The following CYTH4 variants were observed in gnomAD, a reference collection of about 807,000 sequenced individuals.
The protein encoded by CYTH4 is cytohesin 4, also known as cytohesin-4.
A neutral mutation model predicts 57.5 loss-of-function variants in CYTH4; 22 were observed. That is an observed-to-expected ratio of 0.38 (90% CI 0.27 to 0.55). The LOEUF is 0.55. Among genes scored for constraint, CYTH4 ranks in the 20% least tolerant of loss-of-function variants. CYTH4 has a pLI of 0.74. For missense variants in CYTH4, 420 were observed against 535.6 expected (o/e 0.78, Z 2.13); for synonymous variants, 186 against 206.5 (o/e 0.90, Z 0.85).
chr22:37,283,077 G>T (rs1403749196), intron 1 of CYTH4, among the ~76,000 whole-genome samples: 2 of 152,202 alleles, frequency 1.3e-5, no homozygotes, highest in Non-Finnish European at 2.9e-5. Context: ...TTAAGATGAT[G>T]ATGGGATGTT....
chr22:37,292,438 G>C, intron 1 of CYTH4, 183 bp from the exon 2 acceptor site: 3 of 585,338 alleles, frequency 5.1e-6, no homozygotes, highest in Non-Finnish European at 9.1e-6. Context: ...AGGAAGCAGG[G>C]CAGGAGAGGA....
At chr22:37,300,129 T>C (rs1168713805) in intron 6 of CYTH4, 2 of 717,576 alleles carry the variant, frequency 2.8e-6, no homozygotes, top group East Asian at 2.7e-5. Context: ...GCTTAGTAAG[T>C]CTTGATGCTG....
Position 37,295,152 on chromosome 22 carries a change from C to T in CYTH4, c.167+428C>T, listed in dbSNP as rs535294730. ...CTAACCCCGGGCCAGCCACGCCCACCGCCTCTGTGGAAAACTCCCACTATT... is the reference window on the plus strand; with the variant it reads ...CTAACCCCGGGCCAGCCACGCCCACTGCCTCTGTGGAAAACTCCCACTATT... On this transcript the variant is annotated intron_variant, in intron 3 of 12. Transcript: ENST00000248901. This position sits in a 1 kb window ranked among gnomAD's most constrained non-coding sequence, Gnocchi z 4.1. 1.3e-5 allele frequency among the ~76,000 whole-genome samples: 2 copies of T among 152,262 alleles called. No homozygotes were observed. The highest frequency in any genetic ancestry group is 2.1e-4 in the South Asian group (1 of 4,826).
Position 37,295,890 on chromosome 22 carries a change from G to A in CYTH4, c.168-109G>A. 1 of 1,166,942 alleles carries A rather than the reference G, an allele frequency of 8.6e-7. No individual in the cohort carries two copies. The highest frequency in any genetic ancestry group is 1.2e-6 in the Non-Finnish European group (1 of 800,760). The allele number at this position is 1,166,942 out of a possible 1,614,324, so 72.3% of individuals were successfully genotyped here. ...CATGCAGGACCCGGAGGCCACACTT[G>A]GAGGGCCCTAGAGGGGTATGGGCTC... On this transcript the variant is annotated intron_variant, in intron 3 of 12. Transcript: ENST00000248901. The surrounding 1 kb of genome is among the most constrained non-coding windows in gnomAD (Gnocchi z 4.1).
chr22:37,300,887 T>C lies in CYTH4; in HGVS notation c.435-20T>C, dbSNP rs942972711. 2 of 1,608,726 alleles carry C rather than the reference T, an allele frequency of 1.2e-6. No homozygotes were observed. Among genetic ancestry groups the C allele is most frequent in the African/African-American group, 2.7e-5 (2 of 74,794 alleles). ...GAGGGCCCACCCACTCCACTGCCCG[T>C]GGCCCCGTTTCTCCCCCAGGCAGTT... On this transcript the variant is annotated intron_variant, in intron 6 of 12. Transcript: ENST00000248901.
In CYTH4 at chr22:37,310,965, CT is replaced by C. The variant is rs757699186; in HGVS notation, c.809-21del. On this transcript the variant is annotated intron_variant, in intron 9 of 12. Transcript: ENST00000248901. Reference sequence around the variant, plus strand: ...GTGGCCCAGGAGGAGGACTGACCAGCTTGCTACATTGGCCTTGCGCAGGGGG... The same window carrying C: ...GTGGCCCAGGAGGAGGACTGACCAGCTGCTACATTGGCCTTGCGCAGGGGG... The C allele has an allele frequency of 1.5e-4, 250 of 1,613,486 alleles. 9 individuals are homozygous for C. The South Asian group carries it at 2.6e-3, about 17-fold the overall frequency.
At chr22:37,310,170 A>C in intron 9 of CYTH4, 2 of 342,618 alleles carry the variant, frequency 5.8e-6, no homozygotes, top group Admixed American at 3.6e-5. Context: ...GAGCCCTCTG[A>C]CTCTCCACAC....
rs1929075410 is a variant in CYTH4, at chr22:37,298,880, C to G, written c.354-346C>G. Among the ~76,000 whole-genome samples the G allele has an allele frequency of 6.6e-6, 1 of 152,066 alleles. No individual in the cohort carries two copies. The highest frequency in any genetic ancestry group is 1.5e-5 in the Non-Finnish European group (1 of 67,988). ...TCTCTCCCTTGTACAGATGAGGAAGCTGGGGCTGGGAAGGTCAAGTGGCTT... is the reference window on the plus strand; with the variant it reads ...TCTCTCCCTTGTACAGATGAGGAAGGTGGGGCTGGGAAGGTCAAGTGGCTT... On this transcript the variant is annotated intron_variant, in intron 5 of 12. Coordinates refer to ENST00000248901, the MANE Select transcript of CYTH4 (RefSeq NM_013385.5). This position sits in a 1 kb window ranked among gnomAD's most constrained non-coding sequence, Gnocchi z 4.1.
Position 37,285,132 on chromosome 22 carries a change from C to A in CYTH4, c.19+2544C>A, listed in dbSNP as rs1205257979. Among the ~76,000 whole-genome samples, 4 of 152,302 alleles carry A rather than the reference C, an allele frequency of 2.6e-5. No individual in the cohort carries two copies. The East Asian group carries it at 7.7e-4, about 29-fold the overall frequency. On this transcript the variant is annotated intron_variant, in intron 1 of 12. Transcript: ENST00000248901. Reference sequence around the variant, plus strand: ...CCTGCCCTGGAAAGGGGAAGTGAGGCCAGCTGTCCTGGAAGCAGGGCTGCA... The same window carrying A: ...CCTGCCCTGGAAAGGGGAAGTGAGGACAGCTGTCCTGGAAGCAGGGCTGCA...
In CYTH4 at chr22:37,282,650, G is replaced by A; in HGVS notation, c.19+62G>A. ...TGCTCTCTTTTAGAATGGGACAGCA[G>A]CCCCTGCCTCACAGGGTCCTAGATA... On this transcript the variant is annotated intron_variant, in intron 1 of 12. Coordinates refer to ENST00000248901, the MANE Select transcript of CYTH4 (RefSeq NM_013385.5). 4 of 1,427,760 alleles carry A rather than the reference G, an allele frequency of 2.8e-6. No individual in the cohort carries two copies. In the South Asian group the frequency reaches 5.0e-5, roughly 18 times the overall value. The allele number at this position is 1,427,760 out of a possible 1,614,324, so 88.4% of individuals were successfully genotyped here.
rs1569106032 is a variant in CYTH4 at position 37,292,505 on chromosome 22, G to A, written c.20-116G>A. On this transcript the variant is annotated intron_variant, in intron 1 of 12. Coordinates refer to ENST00000248901, the MANE Select transcript of CYTH4 (RefSeq NM_013385.5). ...AGGGGAGGCTTCCTGGAGGAGGTGG[G>A]CCTCTGTGAATAGGGCAAGTCCTGG... 1.9e-5 allele frequency: 19 copies of A among 985,764 alleles called. 1 individual carries two copies. The South Asian group carries it at 2.5e-4, about 13-fold the overall frequency. 61.1% of individuals were successfully genotyped at this position (985,764 alleles called of 1,614,324 possible).
intron 1 of CYTH4, among the ~76,000 whole-genome samples, chr22:37,285,486 AC>A (rs1928522873): frequency 6.6e-6 from 1 of 152,124 alleles, no homozygotes; most frequent in Admixed American, 6.5e-5. Context: ...CAGGTGGATC[AC>A]CAGAGGTCAG....
At chr22:37,300,692 A>C (rs1398783868) in intron 6 of CYTH4, among the ~76,000 whole-genome samples, 1 of 152,228 alleles carries the variant, frequency 6.6e-6, no homozygotes, top group African/African-American at 2.4e-5. Flanking sequence ...GCGTGTGCTT[A>C]GTTCCGTATT....
At chr22:37,308,304 C>T (rs769736132) in intron 8 of CYTH4, among the ~76,000 whole-genome samples, 2 of 152,140 alleles carry the variant, frequency 1.3e-5, no homozygotes, top group Non-Finnish European at 2.9e-5. Flanking sequence ...AAAGAGAATA[C>T]GTGTGTTTGT....
At position 37,301,028 on chromosome 22, in the gene CYTH4, A is replaced by G. The variant is rs753169627; in HGVS notation, c.547+9A>G. 5.6e-6 allele frequency: 9 copies of G among 1,611,334 alleles called. No homozygotes were observed. The highest frequency in any genetic ancestry group is 7.6e-6 in the Non-Finnish European group (9 of 1,177,908). ...CGTCTTCCAGTCCACAGGTGCCAGG[A>G]GGGGAGTGGGACCCAGGGCTCCGGG... On this transcript the variant is annotated intron_variant, in intron 7 of 12. Transcript: ENST00000248901.
chr22:37,311,092 C>T lies in CYTH4; in HGVS notation c.885+28C>T, dbSNP rs897503194. On this transcript the variant is annotated intron_variant, in intron 10 of 12. Coordinates refer to ENST00000248901, the MANE Select transcript of CYTH4 (RefSeq NM_013385.5). This position sits in a 1 kb window ranked among gnomAD's most constrained non-coding sequence, Gnocchi z 4.4. ...GAGCAGGGTTCTCCTGGGCCTTCCC[C>T]TGCCCCCGCCTCTCCCCGCACAACC... 4.3e-6 allele frequency: 7 copies of T among 1,610,222 alleles called. No individual in the cohort carries two copies. The highest frequency in any genetic ancestry group is 3.3e-4 in the Middle Eastern group (2 of 6,058).
chr22:37,314,579 G>A lies in CYTH4; in HGVS notation c.*1068G>A. 1 of 396,676 alleles carries A rather than the reference G, an allele frequency of 2.5e-6. No homozygotes were observed. 24.6% of individuals were successfully genotyped at this position (396,676 alleles called of 1,614,324 possible). Reference sequence around the variant, plus strand: ...AAGACCACTGACGAGCAGTCCCATGGTGATAAAGGGCAGCCCGGCGGGTCC... The same window carrying A: ...AAGACCACTGACGAGCAGTCCCATGATGATAAAGGGCAGCCCGGCGGGTCC... On this transcript the variant is annotated 3_prime_UTR_variant, in exon 13 of 13. Coordinates refer to ENST00000248901, the MANE Select transcript of CYTH4 (RefSeq NM_013385.5).
chr22:37,291,662 A>G (rs534350366), intron 1 of CYTH4, among the ~76,000 whole-genome samples: 95 of 152,200 alleles, frequency 6.2e-4, no homozygotes, highest in African/African-American at 2.2e-3. Flanking sequence ...CCAAGGCTGG[A>G]GAGGTTGTGG....
chr22:37,297,675 G>A lies in CYTH4; in HGVS notation c.346G>A (p.Gly116Arg). 6.2e-7 allele frequency: 1 copy of A among 1,613,456 alleles called. No individual in the cohort carries two copies. Among genetic ancestry groups the A allele is most frequent in the Non-Finnish European group, 8.5e-7 (1 of 1,179,498 alleles). ...CAAGACAGCCATTGGTACCTACCTGGGGGAGAGGTAAGAACGAGTGGAGCC... is the reference window on the plus strand; with the variant it reads ...CAAGACAGCCATTGGTACCTACCTGAGGGAGAGGTAAGAACGAGTGGAGCC... ...LNKTAIGTYLGERDPINLQVL... is the reference protein window; with the variant it reads ...LNKTAIGTYLRERDPINLQVL... The change falls in exon 5 of 13, where the codon GGG becomes AGG. Residue 116 changes from glycine to arginine, a missense_variant. Physicochemically the swap from Gly to Arg is moderately radical, Grantham distance 125. Transcript: ENST00000248901.
Sources: gnomAD v4.1 joint callset for allele counts (sites outside exome capture counted in the v4.1 genomes callset) on GRCh38, gnomAD v4.1.1 for gene constraint, Gnocchi (gnomAD v3.1) non-coding constraint, MANE v1.5 for transcripts, NCBI Gene and HGNC (gene_info 2026-07-23, HGNC 2026-07-21) for gene names.